Variants in PTPRK observed in about 807,000 individuals in gnomAD.
PTPRK encodes protein tyrosine phosphatase receptor type K, also known as receptor-type tyrosine-protein phosphatase kappa.
In PTPRK, 75 loss-of-function variants were observed where a neutral mutation model predicts 178.0. That is an observed-to-expected ratio of 0.42 (90% CI 0.35 to 0.51). The LOEUF (loss-of-function observed/expected upper bound fraction) is 0.51. PTPRK is among the 20% of genes least tolerant of loss of function. PTPRK has a pLI of 0.02. For synonymous variants in PTPRK, 637 were observed against 620.6 expected (o/e 1.03, Z -0.39); for missense variants, 1,441 against 1,797.8 (o/e 0.80, Z 3.59).
intron 7 of PTPRK, among the ~76,000 whole-genome samples, chr6:128,182,352 G>A (rs1420837985): frequency 6.6e-6 from 1 of 152,144 alleles, no homozygotes; most frequent in Non-Finnish European, 1.5e-5. Flanking sequence ...GAGGCGGGCA[G>A]ATCACTTGAG....
intron 7 of PTPRK, among the ~76,000 whole-genome samples, chr6:128,151,515 C>T (rs1797239619): frequency 6.6e-6 from 1 of 151,504 alleles, no homozygotes; most frequent in Admixed American, 6.6e-5. Context: ...GTAGGAAAGA[C>T]CATAAATTCT....
intron 7 of PTPRK, among the ~76,000 whole-genome samples, chr6:128,176,404 G>A (rs1801082977): frequency 6.6e-6 from 1 of 151,692 alleles, no homozygotes; most frequent in South Asian, 2.1e-4. Context: ...TGAAAGATGA[G>A]TTCTTTAAAC....
At chr6:128,458,526 A>C (rs1848657909) in intron 1 of PTPRK, among the ~76,000 whole-genome samples, 1 of 152,210 alleles carries the variant, frequency 6.6e-6, no homozygotes, top group Non-Finnish European at 1.5e-5. Flanking sequence ...TTAATTGCTT[A>C]TAATAAGAAA....
At chr6:128,336,532 C>T (rs940047068) in intron 2 of PTPRK, among the ~76,000 whole-genome samples, 1 of 152,142 alleles carries the variant, frequency 6.6e-6, no homozygotes, top group African/African-American at 2.4e-5. Flanking sequence ...AAAAATTTCA[C>T]TGTCACATCG....
chr6:128,028,085 T>G (rs1396184802), intron 13 of PTPRK, among the ~76,000 whole-genome samples: 1 of 152,158 alleles, frequency 6.6e-6, no homozygotes, highest in Non-Finnish European at 1.5e-5. Flanking sequence ...CCTACAAAGA[T>G]TTCAGGGAAA....
rs146706640 is a variant in PTPRK at position 128,438,802 on chromosome 6, A to G, written c.101-41114T>C. 5.9e-5 allele frequency among the ~76,000 whole-genome samples: 9 copies of G among 152,324 alleles called. No homozygotes were observed. In the East Asian group the frequency reaches 1.5e-3, roughly 26 times the overall value. On this transcript the variant is annotated intron_variant, in intron 1 of 29. Coordinates refer to ENST00000368226, the MANE Select transcript of PTPRK (RefSeq NM_002844.4). ...TTACTGATCAGCTGCTTCTGAATTAATCACCAAATAATGGGCAGCATTTAC... is the reference window on the plus strand; with the variant it reads ...TTACTGATCAGCTGCTTCTGAATTAGTCACCAAATAATGGGCAGCATTTAC...
At chr6:128,209,459 G>T (rs1807652901) in intron 6 of PTPRK, among the ~76,000 whole-genome samples, 2 of 151,978 alleles carry the variant, frequency 1.3e-5, no homozygotes, top group South Asian at 4.2e-4. Flanking sequence ...CTATCCAAAT[G>T]CTACCCACCC....
intron 3 of PTPRK, among the ~76,000 whole-genome samples, chr6:128,309,998 C>T (rs528134985): frequency 6.6e-6 from 1 of 152,218 alleles, no homozygotes; most frequent in South Asian, 2.1e-4. Context: ...TATATGCAGG[C>T]TAATCAGAAA....
chr6:128,415,871 C>A (rs1031112302), intron 1 of PTPRK, among the ~76,000 whole-genome samples: 2 of 151,968 alleles, frequency 1.3e-5, no homozygotes, highest in Non-Finnish European at 2.9e-5. Context: ...AATTCCATTC[C>A]TATATATACG....
chr6:128,256,573 G>T (rs1452623779), intron 3 of PTPRK, among the ~76,000 whole-genome samples: 1 of 151,868 alleles, frequency 6.6e-6, no homozygotes, highest in African/African-American at 2.4e-5. Flanking sequence ...GAGTAACTGG[G>T]ATTACAGTTG....
At chr6:128,413,143 G>A (rs1045598577) in intron 1 of PTPRK, among the ~76,000 whole-genome samples, 5 of 152,036 alleles carry the variant, frequency 3.3e-5, no homozygotes, top group South Asian at 2.1e-4. Flanking sequence ...ATTTAAGCCC[G>A]CCTACATATC....
At chr6:128,292,387 T>C (rs556607310) in intron 3 of PTPRK, among the ~76,000 whole-genome samples, 1 of 152,196 alleles carries the variant, frequency 6.6e-6, no homozygotes, top group South Asian at 2.1e-4. Flanking sequence ...CTGACCTAGA[T>C]GAATATTTTT....
chr6:128,517,518 G>A (rs1858260278), intron 1 of PTPRK, among the ~76,000 whole-genome samples: 1 of 152,170 alleles, frequency 6.6e-6, no homozygotes, highest in South Asian at 2.1e-4. Flanking sequence ...AGTGAGAGGT[G>A]AAACTGAAAG....
intron 1 of PTPRK, among the ~76,000 whole-genome samples, chr6:128,411,027 G>C: frequency 6.6e-6 from 1 of 152,174 alleles, no homozygotes; most frequent in East Asian, 1.9e-4. Context: ...GAGTACCTGG[G>C]ACTATAGGTG....
At chr6:128,160,236 T>C (rs756984176) in intron 7 of PTPRK, among the ~76,000 whole-genome samples, 2 of 151,732 alleles carry the variant, frequency 1.3e-5, no homozygotes, top group Admixed American at 6.6e-5. Context: ...GCAATATCAG[T>C]ACCAAGGGGG....
At chr6:128,421,439 TG>T (rs375834885) in intron 1 of PTPRK, among the ~76,000 whole-genome samples, 176 of 152,320 alleles carry the variant, frequency 1.2e-3, no homozygotes, top group Admixed American at 4.4e-3. Flanking sequence ...AATAAGAGAA[TG>T]GGGAGTTTTT....
intron 1 of PTPRK, among the ~76,000 whole-genome samples, chr6:128,466,050 T>TCACTG (rs1463248375): frequency 1.3e-5 from 2 of 152,206 alleles, no homozygotes; most frequent in South Asian, 2.1e-4. Flanking sequence ...GGATCCTGTG[T>TCACTG]CACTGCACTG....
At chr6:128,078,470 G>A (rs1290691504) in intron 11 of PTPRK, among the ~76,000 whole-genome samples, 1 of 151,708 alleles carries the variant, frequency 6.6e-6, no homozygotes, top group African/African-American at 2.4e-5. Flanking sequence ...TGCCTACCTA[G>A]TTTCTCATAT....
At chr6:128,284,473 C>CGTAG (rs1822156420) in intron 3 of PTPRK, among the ~76,000 whole-genome samples, 1 of 152,188 alleles carries the variant, frequency 6.6e-6, no homozygotes, top group Admixed American at 6.5e-5. Flanking sequence ...GAAATTCTCT[C>CGTAG]TTCTACAACT....
Sources: gnomAD v4.1 joint callset for allele counts (sites outside exome capture counted in the v4.1 genomes callset) on GRCh38, gnomAD v4.1.1 for gene constraint, MANE v1.5 for transcripts, NCBI Gene and HGNC (gene_info 2026-07-23, HGNC 2026-07-21) for gene names.